IGDCC4: variants seen among roughly 807,000 people sequenced by gnomAD.
IGDCC4 encodes likely ortholog of mouse neighbor of Punc E11.
Under a neutral mutation model 116.6 loss-of-function variants are expected in IGDCC4, and 72 were observed. The observed-to-expected ratio is 0.62, with a 90% CI of 0.51 to 0.75. The LOEUF (loss-of-function observed/expected upper bound fraction) is 0.75, where lower values mean the gene tolerates loss of function less well. IGDCC4 is among the 30% of genes least tolerant of loss of function. IGDCC4 has a pLI of 0.00. For synonymous variants in IGDCC4, 709 were observed against 719.9 expected (o/e 0.98, Z 0.24); for missense variants, 1,501 against 1,662.4 (o/e 0.90, Z 1.69).
In IGDCC4 at chr15:65,385,876, A is replaced by T. The variant is rs748376730; in HGVS notation, c.3135T>A (p.Leu1045=). 3 of 1,612,838 alleles carry T rather than the reference A, an allele frequency of 1.9e-6. No homozygotes were observed. The highest frequency in any genetic ancestry group is 2.2e-5 in the South Asian group (2 of 91,016). The change falls in exon 18 of 20, where the codon CTT becomes CTA. Residue 1045 remains leucine (L), a synonymous_variant. Coordinates refer to ENST00000352385, the MANE Select transcript of IGDCC4 (RefSeq NM_020962.3). The part of the protein sequence containing the change: ...DVEDRAEVHS[L]MGGGVSEGRS... ...GGCCTTCAGAAACACCGCCACCCATAAGGCTGTGCACTTCAGCCCTGTCCT... is the reference window on the plus strand; with the variant it reads ...GGCCTTCAGAAACACCGCCACCCATTAGGCTGTGCACTTCAGCCCTGTCCT...
intron 1 of IGDCC4, among the ~76,000 whole-genome samples, chr15:65,417,498 C>T (rs958851334): frequency 6.6e-6 from 1 of 152,252 alleles, no homozygotes; most frequent in African/African-American, 2.4e-5. Context: ...GCTGCTCTCA[C>T]TCCCTAGAAC....
Position 65,388,831 on chromosome 15 carries a change from T to C in IGDCC4, c.2684A>G (p.Gln895Arg). The change falls in exon 15 of 20, where the codon CAG (glutamine) becomes CGG (arginine). Residue 895 changes from glutamine (Q) to arginine (R), a missense_variant. Transcript: ENST00000352385. ...YSSNHTQPEH[Q>R]WTLLTTQGNI... ...ACCCTGCGTGGTGAGCAAGGTCCAC[T>C]GGTGCTCAGGCTGCGTGTGGTTGCT... The C allele has an allele frequency of 6.2e-7, 1 of 1,614,068 alleles. No individual in the cohort carries two copies. Among genetic ancestry groups the C allele is most frequent in the Non-Finnish European group, 8.5e-7 (1 of 1,180,044 alleles).
chr15:65,385,489 A>G, intron 18 of IGDCC4: 1 of 527,308 alleles, frequency 1.9e-6, no homozygotes, highest in Non-Finnish European at 3.4e-6. Context: ...ACTTGGCCAC[A>G]GCCAAGCCGA....
chr15:65,415,916 C>T (rs979988110), intron 1 of IGDCC4, among the ~76,000 whole-genome samples: 2 of 152,076 alleles, frequency 1.3e-5, no homozygotes, highest in African/African-American at 4.8e-5. Flanking sequence ...CCTAGACAGA[C>T]AAGGGGGTGT....
intron 3 of IGDCC4, among the ~76,000 whole-genome samples, chr15:65,406,915 C>T (rs2063045868): frequency 6.6e-6 from 1 of 152,058 alleles, no homozygotes; most frequent in African/African-American, 2.4e-5. Flanking sequence ...TGCTGAGAAG[C>T]TTTGGGGAAG....
At chr15:65,410,810 G>A (rs1163837471) in intron 2 of IGDCC4, 10 of 583,584 alleles carry the variant, frequency 1.7e-5, no homozygotes, top group Non-Finnish European at 3.0e-5. Flanking sequence ...AAGGAACAGG[G>A]GAGTGGAGAA....
intron 1 of IGDCC4, among the ~76,000 whole-genome samples, chr15:65,415,535 C>G (rs542079738): frequency 6.6e-6 from 1 of 152,312 alleles, no homozygotes; most frequent in Admixed American, 6.5e-5. Flanking sequence ...GACGGGGTCC[C>G]CCTCAGAGAG....
chr15:65,386,061 T>C lies in IGDCC4; in HGVS notation c.2952-2A>G. The C allele has an allele frequency of 6.7e-7, 1 of 1,493,788 alleles. No homozygotes were observed. Among genetic ancestry groups the C allele is most frequent in the Non-Finnish European group, 8.9e-7 (1 of 1,121,952 alleles). 92.5% of individuals were successfully genotyped at this position (1,493,788 alleles called of 1,614,324 possible). A position where few individuals can be genotyped will look rare whatever the true frequency, so the allele number is the denominator to read the frequency against. On this transcript the variant is annotated splice_acceptor_variant, in intron 17 of 19. Transcript: ENST00000352385. LOFTEE classifies it high-confidence loss of function. The stretch of plus-strand genomic sequence containing the variant: ...GAGGACAGGCCTGGGAGGGATTCCC[T>C]GGAAGGGAAGACGGAAAACAAGGCA...
chr15:65,386,670 G>C lies in IGDCC4; in HGVS notation c.2846-14C>G, dbSNP rs541316634. ...TGTCCAGCGAGTCTGGTGGGGGAGA[G>C]AGAGGCACAGAGCAGGTCAGGACAG... On this transcript the variant is annotated splice_polypyrimidine_tract_variant and intron_variant, in intron 16 of 19. Coordinates refer to ENST00000352385, the MANE Select transcript of IGDCC4 (RefSeq NM_020962.3). 36 of 1,599,600 alleles carry C rather than the reference G, an allele frequency of 2.3e-5. No homozygotes were observed. The South Asian group carries it at 3.3e-4, about 15-fold the overall frequency.
At chr15:65,385,377 G>A (rs2091445636) in intron 18 of IGDCC4, 2 of 556,158 alleles carry the variant, frequency 3.6e-6, no homozygotes, top group Non-Finnish European at 6.3e-6. Context: ...GGCGGGGAGA[G>A]GGTGAGGGAG....
chr15:65,390,948 C>T (rs1163577667), intron 12 of IGDCC4, among the ~76,000 whole-genome samples: 1 of 152,158 alleles, frequency 6.6e-6, no homozygotes, highest in Non-Finnish European at 1.5e-5. Flanking sequence ...GGAATTAGAA[C>T]TCAGCTGGGT....
intron 4 of IGDCC4, among the ~76,000 whole-genome samples, chr15:65,402,103 A>T (rs903343196): frequency 6.6e-6 from 1 of 152,208 alleles, no homozygotes; most frequent in African/African-American, 2.4e-5. Flanking sequence ...ACCAGAGGGC[A>T]CACAGGCTCT....
chr15:65,385,956 C>A lies in IGDCC4; in HGVS notation c.3055G>T (p.Glu1019Ter). The change falls in exon 18 of 20, where the codon GAG (glutamate) becomes TAG (stop). Residue 1019 changes from glutamate to a stop codon, truncating the protein, a stop_gained. Transcript: ENST00000352385. LOFTEE classifies it high-confidence loss of function. ...TGGGGATGGGGGTGCACAAGGGACT[C>A]CAATTCATGGGCAGCTGGGGGGCTG... ...PPSPPAAHEL[E>*]SLVHPHPQDW... 1.2e-6 allele frequency: 2 copies of A among 1,603,508 alleles called. No homozygotes were observed. Among genetic ancestry groups the A allele is most frequent in the South Asian group, 1.1e-5 (1 of 90,470 alleles).
chr15:65,410,826 G>A (rs774672909), intron 2 of IGDCC4, 194 bp downstream of exon 2: 43 of 588,416 alleles, frequency 7.3e-5, no homozygotes, highest in Non-Finnish European at 1.0e-4. Flanking sequence ...GAGAAGAAGC[G>A]GGAAGATTAT....
intron 2 of IGDCC4, 33 bp downstream of exon 2, chr15:65,410,987 A>G (rs1159738763): frequency 6.4e-7 from 1 of 1,550,942 alleles, no homozygotes; most frequent in Non-Finnish European, 8.8e-7. Flanking sequence ...TCTGGGTTTC[A>G]GCCTCAGACC....
chr15:65,388,427 C>G, intron 16 of IGDCC4, 22 bp downstream of exon 16: 2 of 1,613,804 alleles, frequency 1.2e-6, no homozygotes, highest in Non-Finnish European at 1.7e-6. Context: ...CCAGGGAAAC[C>G]TGGGCTGCCC....
In IGDCC4 at chr15:65,394,478, G is replaced by A. The variant is rs1268828317; in HGVS notation, c.1647C>T (p.Pro549=). ...NPSDIRVAWL[P]LPPSLSNGQV... ...GCCCATTGCTCAGGCTGGGGGGCAGGGGCAGCCACGCCACCCTGATGTCCG... is the reference window on the plus strand; with the variant it reads ...GCCCATTGCTCAGGCTGGGGGGCAGAGGCAGCCACGCCACCCTGATGTCCG... Residue 549 remains proline (P), a synonymous_variant, in exon 9 of 20, where the codon CCC becomes CCT. Coordinates refer to ENST00000352385, the MANE Select transcript of IGDCC4 (RefSeq NM_020962.3). 3 of 1,613,916 alleles carry A rather than the reference G, an allele frequency of 1.9e-6. No homozygotes were observed. Among genetic ancestry groups the A allele is most frequent in the South Asian group, 1.1e-5 (1 of 91,064 alleles).
At chr15:65,396,319 T>TCA (rs1408374051) in intron 6 of IGDCC4, 156 bp from the exon 7 acceptor site, 1 of 810,874 alleles carries the variant, frequency 1.2e-6, no homozygotes, top group African/African-American at 1.7e-5. Context: ...CTACTCCGGC[T>TCA]CAGCGCAGAC....
At position 65,400,898 on chromosome 15, in the gene IGDCC4, G is replaced by T; in HGVS notation, c.749C>A (p.Pro250Gln). ...GCCAGACACCACTGTGGTGTTCTCT[G>T]GGGCTGCCACAATGACCACGTCCTG... is the stretch of plus-strand genomic sequence containing the variant. Reference protein sequence around the residue: ...RGQDVVIVAAPENTTVVSGQS... With the variant: ...RGQDVVIVAAQENTTVVSGQS... Residue 250 changes from proline to glutamine, a missense_variant, in exon 5 of 20, where the codon CCA becomes CAA. Around this residue, in one of 3 missense-constraint regions of IGDCC4, gnomAD observed 898 missense variants for 978.9 expected, o/e 0.92. Coordinates refer to ENST00000352385, the MANE Select transcript of IGDCC4 (RefSeq NM_020962.3). 6.2e-7 allele frequency: 1 copy of T among 1,614,128 alleles called. No homozygotes were observed. Among genetic ancestry groups the T allele is most frequent in the Non-Finnish European group, 8.5e-7 (1 of 1,180,030 alleles).
Sources: allele counts gnomAD v4.1 joint callset (sites outside exome capture counted in the v4.1 genomes callset), GRCh38; gene constraint gnomAD v4.1.1; regional missense constraint gnomAD v4.1.1; transcripts MANE v1.5; gene names NCBI Gene and HGNC (gene_info 2026-07-23, HGNC 2026-07-21).